SLIT2: variants seen among roughly 807,000 people sequenced by gnomAD.
SLIT2 encodes the protein slit guidance ligand 2.
In SLIT2, 41 loss-of-function variants were observed where a neutral mutation model predicts 185.7. The ratio of observed to expected loss-of-function variants is 0.22; its 90% CI spans 0.17 to 0.29. The LOEUF (loss-of-function observed/expected upper bound fraction) is 0.29. Among genes scored for constraint, SLIT2 ranks in the 10% least tolerant of loss-of-function variants. SLIT2 has a pLI of 1.00. For missense variants in SLIT2, 1,571 were observed against 1,909.0 expected (o/e 0.82, Z 3.30); for synonymous variants, 693 against 680.2 (o/e 1.02, Z -0.29).
chr4:20,255,368 T>C (rs1711704949), intron 1 of SLIT2, among the ~76,000 whole-genome samples: 1 of 152,204 alleles, frequency 6.6e-6, no homozygotes, highest in Non-Finnish European at 1.5e-5. Context: ...CCTCACTAGG[T>C]TACCCTTACT....
At chr4:20,269,641 G>A (rs1713396452) in intron 4 of SLIT2, among the ~76,000 whole-genome samples, 1 of 151,878 alleles carries the variant, frequency 6.6e-6, no homozygotes, top group Non-Finnish European at 1.5e-5. Flanking sequence ...AAAATAAATA[G>A]CAATGATTAT....
At position 20,299,066 on chromosome 4, in the gene SLIT2, T is replaced by C. The variant is rs77813840; in HGVS notation, c.395+30185T>C. Among the ~76,000 whole-genome samples the C allele has an allele frequency of 2.6e-3, 402 of 152,348 alleles. 2 individuals carry two copies. Among genetic ancestry groups the C allele is most frequent in the African/African-American group, 8.8e-3 (364 of 41,586 alleles). Reference sequence around the variant, plus strand: ...AAAAATGCAATTTGACAATGTAATTTGACATTTATCTCAGACTGTATGACT... The same window carrying C: ...AAAAATGCAATTTGACAATGTAATTCGACATTTATCTCAGACTGTATGACT... On this transcript the variant is annotated intron_variant, in intron 4 of 36. Transcript: ENST00000504154.
In SLIT2 at chr4:20,320,045, G is replaced by A. The variant is rs180834463; in HGVS notation, c.395+51164G>A. Among the ~76,000 whole-genome samples, 434 of 152,284 alleles carry A rather than the reference G, an allele frequency of 2.8e-3. 3 individuals are homozygous for A. The highest frequency in any genetic ancestry group is 0.02 in the Middle Eastern group (6 of 294). On this transcript the variant is annotated intron_variant, in intron 4 of 36. Coordinates refer to ENST00000504154, the MANE Select transcript of SLIT2 (RefSeq NM_004787.4). ...CACTGGATTCCTGGTTTCCAGGGAT[G>A]TAGTCACTGTACAGTGTAGTCAGTT...
intron 4 of SLIT2, among the ~76,000 whole-genome samples, chr4:20,319,961 C>T (rs374625036): frequency 1.1e-4 from 16 of 152,230 alleles, no homozygotes; most frequent in South Asian, 4.1e-4. Flanking sequence ...AGATCTCCGA[C>T]GCCCGTGAGA....
chr4:20,284,067 G>T (rs1028064672), intron 4 of SLIT2, among the ~76,000 whole-genome samples: 1 of 152,118 alleles, frequency 6.6e-6, no homozygotes, highest in African/African-American at 2.4e-5. Context: ...AGTGAATGAG[G>T]GCCTTCCAAC....
At chr4:20,329,326 A>G (rs926672936) in intron 4 of SLIT2, among the ~76,000 whole-genome samples, 23 of 151,922 alleles carry the variant, frequency 1.5e-4, no homozygotes, top group Admixed American at 8.6e-4. Flanking sequence ...TGATTATATT[A>G]GAATAATTAG....
At chr4:20,526,324 G>A (rs905407476) in intron 15 of SLIT2, among the ~76,000 whole-genome samples, 1 of 151,974 alleles carries the variant, frequency 6.6e-6, no homozygotes, top group African/African-American at 2.4e-5. Context: ...TATTATACTG[G>A]CTGCATAACA....
At chr4:20,393,622 A>C (rs1450164329) in intron 4 of SLIT2, 6 of 152,094 alleles carry the variant, frequency 3.9e-5, no homozygotes, top group Non-Finnish European at 8.8e-5. Context: ...TATTACGTGC[A>C]TGTGTACCTT....
intron 15 of SLIT2, among the ~76,000 whole-genome samples, chr4:20,527,380 A>G (rs936022783): frequency 8.6e-5 from 13 of 151,538 alleles, no homozygotes; most frequent in African/African-American, 3.2e-4. Context: ...CCGCCTCCCG[A>G]GTTCATGCCA....
At chr4:20,559,166 G>A (rs1171049363) in intron 26 of SLIT2, among the ~76,000 whole-genome samples, 1 of 151,982 alleles carries the variant, frequency 6.6e-6, no homozygotes, top group African/African-American at 2.4e-5. Flanking sequence ...GCTAAAACTT[G>A]TTAATTGTCA....
chr4:20,412,395 T>C (rs536087212), intron 4 of SLIT2, among the ~76,000 whole-genome samples: 26 of 152,284 alleles, frequency 1.7e-4, no homozygotes, highest in African/African-American at 6.0e-4. Flanking sequence ...AATCATCTTA[T>C]AAGAGAAATT....
At chr4:20,290,068 C>T (rs1372217914) in intron 4 of SLIT2, among the ~76,000 whole-genome samples, 4 of 152,182 alleles carry the variant, frequency 2.6e-5, no homozygotes, top group African/African-American at 9.7e-5. Flanking sequence ...ACCTGCTCAT[C>T]TCCCAGTTGC....
chr4:20,403,267 G>C (rs1251842107), intron 4 of SLIT2, among the ~76,000 whole-genome samples: 1 of 151,908 alleles, frequency 6.6e-6, no homozygotes, highest in Non-Finnish European at 1.5e-5. Flanking sequence ...AGGCAATGCT[G>C]CTTTTATTTT....
intron 26 of SLIT2, among the ~76,000 whole-genome samples, chr4:20,556,892 A>G (rs1215101581): frequency 6.6e-6 from 1 of 152,130 alleles, no homozygotes; most frequent in African/African-American, 2.4e-5. Context: ...CAGACCAATG[A>G]TAAGAAAATG....
intron 36 of SLIT2, among the ~76,000 whole-genome samples, chr4:20,618,250 G>T (rs1267206668): frequency 1.3e-5 from 2 of 152,156 alleles, no homozygotes; most frequent in African/African-American, 4.8e-5. Context: ...TGTGTCCAAG[G>T]GACGAGACAA....
chr4:20,443,542 T>C (rs527720216), intron 4 of SLIT2, among the ~76,000 whole-genome samples: 1 of 127,622 alleles, frequency 7.8e-6, no homozygotes, highest in Non-Finnish European at 1.5e-5. Context: ...GAACCATAGC[T>C]GAAGTATCAA....
At chr4:20,259,515 T>G (rs1057125889) in intron 3 of SLIT2, among the ~76,000 whole-genome samples, 3 of 151,812 alleles carry the variant, frequency 2.0e-5, no homozygotes, top group East Asian at 1.9e-4. Context: ...TTGGTTATAT[T>G]GTTGTTTTAA....
intron 4 of SLIT2, among the ~76,000 whole-genome samples, chr4:20,463,497 GTGTGCGTATATCCATA>G (rs1713989189): frequency 9.0e-6 from 1 of 110,772 alleles, no homozygotes; most frequent in African/African-American, 3.3e-5. Context: ...ATATATGTGT[GTGTGCGTATATCCATA>G]TATGTGTGTG....
intron 4 of SLIT2, among the ~76,000 whole-genome samples, chr4:20,299,674 G>A (rs773470346): frequency 5.4e-5 from 8 of 147,898 alleles, no homozygotes; most frequent in Non-Finnish European, 8.9e-5. Context: ...TTTTAGTTTT[G>A]TGATGTGAGG....
Sources: gnomAD v4.1 joint callset for allele counts (sites outside exome capture counted in the v4.1 genomes callset) on GRCh38, gnomAD v4.1.1 for gene constraint, MANE v1.5 for transcripts, NCBI Gene and HGNC (gene_info 2026-07-23, HGNC 2026-07-21) for gene names.